The following OR4L1 variants were observed in gnomAD, a reference collection of about 807,000 sequenced individuals.
The protein encoded by OR4L1 is olfactory receptor 4L1.
For missense variants in OR4L1, 446 were observed against 368.5 expected, an observed-to-expected ratio of 1.21 and a Z score of -1.72; for synonymous variants, 156 against 135.3, an observed-to-expected ratio of 1.15 and a Z score of -1.06.
Position 20,060,896 on chromosome 14 carries a change from G to A in OR4L1, c.852G>A (p.Pro284=), listed in dbSNP as rs148682952. 1.5e-3 allele frequency: 2,469 copies of A among 1,603,838 alleles called. 5 individuals are homozygous for A. The highest frequency in any genetic ancestry group is 1.8e-3 in the Middle Eastern group (11 of 5,988). The change falls in exon 1 of 1, where the codon CCG becomes CCA. Residue 284 remains proline, a synonymous_variant. Transcript: ENST00000315683. ...FYTVITPLLN[P]SIYTLRNKKM... ...CAGTTATCACACCCTTACTGAATCC[G>A]AGTATTTATACCCTGAGAAATAAGA...
In OR4L1 at chr14:20,060,800, A is replaced by G. The variant is rs541928770; in HGVS notation, c.756A>G (p.Gly252=). 5.5e-5 allele frequency: 88 copies of G among 1,612,048 alleles called. 1 individual carries two copies. In the South Asian group the frequency reaches 9.2e-4, roughly 17 times the overall value. The change falls in exon 1 of 1, where the codon GGA becomes GGG. Residue 252 remains glycine, a synonymous_variant. Transcript: ENST00000315683. Reference sequence around the variant, plus strand: ...TCATTGTGGTCACTCTGTTCTTTGGACCTTGTATTTTTATCTATGTTTGGC... The same window carrying G: ...TCATTGTGGTCACTCTGTTCTTTGGGCCTTGTATTTTTATCTATGTTTGGC... ...AHIIVVTLFF[G]PCIFIYVWPF... is the part of the protein sequence containing the mutation.
rs1249348331 is a variant in OR4L1 at position 20,060,438 on chromosome 14, T to C, written c.394T>C (p.Tyr132His). 1 of 1,613,294 alleles carries C rather than the reference T, an allele frequency of 6.2e-7. No individual in the cohort carries two copies. Among genetic ancestry groups the C allele is most frequent in the East Asian group, 2.2e-5 (1 of 44,868 alleles). ...RYVAICKPLH[Y>H]RTIMSHKLLK... Reference sequence around the variant, plus strand: ...TGTAGCCATATGTAAACCCCTGCACTATAGGACAATCATGAGCCACAAGCT... The same window carrying C: ...TGTAGCCATATGTAAACCCCTGCACCATAGGACAATCATGAGCCACAAGCT... Residue 132 changes from tyrosine (Y) to histidine (H), a missense_variant, in exon 1 of 1, where the codon TAT (tyrosine) becomes CAT (histidine). By Grantham distance (83) the Tyr-to-His change is moderately conservative. Transcript: ENST00000315683.
chr14:20,060,336 G>T lies in OR4L1; in HGVS notation c.292G>T (p.Val98Leu), dbSNP rs367946088. 6.2e-7 allele frequency: 1 copy of T among 1,600,744 alleles called. No individual in the cohort carries two copies. Among genetic ancestry groups the T allele is most frequent in the Non-Finnish European group, 8.5e-7 (1 of 1,174,628 alleles). The stretch of plus-strand genomic sequence containing the variant: ...CAAGACCATCTCTGTGTGGGGCTGC[G>T]TGACCCAGATGTTCTTCATGCACTT... ...DHKTISVWGC[V>L]TQMFFMHFFG... The change falls in exon 1 of 1, where the codon GTG (valine) becomes TTG (leucine). Residue 98 changes from valine to leucine, a missense_variant. By Grantham distance (32) the Val-to-Leu change is conservative. Transcript: ENST00000315683.
chr14:20,060,532 C>T lies in OR4L1; in HGVS notation c.488C>T (p.Thr163Ile). ...FLHSISQIVL[T>I]MNLPFCGHNV... ...CACTCCATAAGCCAGATAGTTTTAA[C>T]AATGAACTTGCCTTTCTGTGGCCAC... The change falls in exon 1 of 1, where the codon ACA (threonine) becomes ATA (isoleucine). Residue 163 changes from threonine (T) to isoleucine (I), a missense_variant. By Grantham distance (89) the Thr-to-Ile change is moderately conservative. Transcript: ENST00000315683. The T allele has an allele frequency of 6.2e-7, 1 of 1,612,550 alleles. No individual in the cohort carries two copies. The highest frequency in any genetic ancestry group is 1.7e-4 in the Middle Eastern group (1 of 6,044).
rs759735215 is a variant in OR4L1 at position 20,060,910 on chromosome 14, T to C, written c.866T>C (p.Leu289Pro). The change falls in exon 1 of 1, where the codon CTG becomes CCG. Residue 289 changes from leucine (L) to proline (P), a missense_variant. Leu to Pro is a moderately conservative substitution (Grantham distance 98). Coordinates refer to ENST00000315683, the MANE Select transcript of OR4L1 (RefSeq NM_001004717.1). ...TTACTGAATCCGAGTATTTATACCCTGAGAAATAAGAAAATGCAAGAGGCC... is the reference window on the plus strand; with the variant it reads ...TTACTGAATCCGAGTATTTATACCCCGAGAAATAAGAAAATGCAAGAGGCC... ...TPLLNPSIYT[L>P]RNKKMQEAIR... 8.8e-6 allele frequency: 14 copies of C among 1,588,606 alleles called. No individual in the cohort carries two copies. The East Asian group carries it at 2.9e-4, about 33-fold the overall frequency.
At position 20,060,288 on chromosome 14, in the gene OR4L1, A is replaced by T. The variant is rs1268718512; in HGVS notation, c.244A>T (p.Ile82Phe). 2 of 1,564,220 alleles carry T rather than the reference A, an allele frequency of 1.3e-6. No homozygotes were observed. Among genetic ancestry groups the T allele is most frequent in the Non-Finnish European group, 1.7e-6 (2 of 1,158,842 alleles). Reference sequence around the variant, plus strand: ...CTCCACTGCCACAACACCCAAGATGATCATAGATTTGCTCACTGACCACAA... The same window carrying T: ...CTCCACTGCCACAACACCCAAGATGTTCATAGATTTGCTCACTGACCACAA... ...CLSTATTPKM[I>F]IDLLTDHKTI... is the part of the protein sequence containing the mutation. Residue 82 changes from isoleucine to phenylalanine, a missense_variant, in exon 1 of 1, where the codon ATC becomes TTC. Coordinates refer to ENST00000315683, the MANE Select transcript of OR4L1 (RefSeq NM_001004717.1).
In OR4L1 at chr14:20,060,599, C is replaced by A. The variant is rs767255058; in HGVS notation, c.555C>A (p.Ile185=). 1.9e-6 allele frequency: 3 copies of A among 1,613,022 alleles called. No homozygotes were observed. Among genetic ancestry groups the A allele is most frequent in the Non-Finnish European group, 2.5e-6 (3 of 1,179,440 alleles). ...NNIFCDLPLV[I]KLACIETYTL... is the part of the protein sequence containing the mutation. ...TATTTTGTGATCTTCCCCTTGTGAT[C>A]AAGCTTGCTTGCATTGAAACATACA... Residue 185 remains isoleucine (I), a synonymous_variant, in exon 1 of 1, where the codon ATC becomes ATA. Coordinates refer to ENST00000315683, the MANE Select transcript of OR4L1 (RefSeq NM_001004717.1).
rs376083133 is a variant in OR4L1, at chr14:20,060,195, T to A, written c.151T>A (p.Cys51Ser). 29 of 1,606,966 alleles carry A rather than the reference T, an allele frequency of 1.8e-5. No individual in the cohort carries two copies. The East Asian group carries it at 2.2e-4, about 12-fold the overall frequency. Residue 51 changes from cysteine (C) to serine (S), a missense_variant, in exon 1 of 1, where the codon TGT (cysteine) becomes AGT (serine). Transcript: ENST00000315683. The stretch of plus-strand genomic sequence containing the variant: ...CATTCTCATTATGGTCACAGTGACA[T>A]GTAGGTCAACCCTTCATTCTCCCTT... ...GNILIMVTVT[C>S]RSTLHSPLYF...
chr14:20,060,736 A>G lies in OR4L1; in HGVS notation c.692A>G (p.His231Arg), dbSNP rs2138695167. Residue 231 changes from histidine (H) to arginine (R), a missense_variant, in exon 1 of 1, where the codon CAT becomes CGT. His to Arg is a conservative substitution (Grantham distance 29). Coordinates refer to ENST00000315683, the MANE Select transcript of OR4L1 (RefSeq NM_001004717.1). ...ILVSVPKKSS[H>R]GLSKALSTLS... The stretch of plus-strand genomic sequence containing the variant: ...GTCAGTGTACCAAAAAAATCATCAC[A>G]TGGGCTCTCCAAGGCGCTGTCCACA... 13 of 1,613,564 alleles carry G rather than the reference A, an allele frequency of 8.1e-6. No individual in the cohort carries two copies. Among genetic ancestry groups the G allele is most frequent in the Non-Finnish European group, 1.1e-5 (13 of 1,179,686 alleles).
chr14:20,060,338 G>C lies in OR4L1; in HGVS notation c.294G>C (p.Val98=), dbSNP rs768792363. ...AGACCATCTCTGTGTGGGGCTGCGT[G>C]ACCCAGATGTTCTTCATGCACTTCT... ...DHKTISVWGC[V]TQMFFMHFFG... Residue 98 remains valine, a synonymous_variant, in exon 1 of 1, where the codon GTG becomes GTC. Coordinates refer to ENST00000315683, the MANE Select transcript of OR4L1 (RefSeq NM_001004717.1). The C allele has an allele frequency of 1.2e-6, 2 of 1,600,406 alleles. No individual in the cohort carries two copies. The highest frequency in any genetic ancestry group is 1.7e-6 in the Non-Finnish European group (2 of 1,174,536).
In OR4L1 at chr14:20,060,409, G is replaced by A. The variant is rs1408940426; in HGVS notation, c.365G>A (p.Arg122Lys). Residue 122 changes from arginine to lysine, a missense_variant, in exon 1 of 1, where the codon AGG (arginine) becomes AAG (lysine). By Grantham distance (26) the Arg-to-Lys change is conservative. Coordinates refer to ENST00000315683, the MANE Select transcript of OR4L1 (RefSeq NM_001004717.1). ...CTTCTGATAATCATGGCCTTTGACA[G>A]GTATGTAGCCATATGTAAACCCCTG... ...MTLLIIMAFD[R>K]YVAICKPLHY... 1.2e-6 allele frequency: 2 copies of A among 1,610,190 alleles called. No homozygotes were observed. The highest frequency in any genetic ancestry group is 1.7e-6 in the Non-Finnish European group (2 of 1,178,492).
In OR4L1 at chr14:20,060,847, A is replaced by G. The variant is rs945890875; in HGVS notation, c.803A>G (p.Asn268Ser). ...YVWPFSSLASNKTLAVFYTVI... is the reference protein window; with the variant it reads ...YVWPFSSLASSKTLAVFYTVI... The stretch of plus-strand genomic sequence containing the variant: ...TGGCCATTCAGTAGTTTGGCAAGCA[A>G]TAAAACTCTTGCCGTATTTTATACA... The change falls in exon 1 of 1, where the codon AAT (asparagine) becomes AGT (serine). Residue 268 changes from asparagine (N) to serine (S), a missense_variant. Transcript: ENST00000315683. 1.5e-5 allele frequency: 24 copies of G among 1,612,384 alleles called. No individual in the cohort carries two copies. The Admixed American group carries it at 4.0e-4, about 27-fold the overall frequency.
rs375250646 is a variant in OR4L1, at chr14:20,060,335, C to T, written c.291C>T (p.Cys97=). 1.1e-5 allele frequency: 17 copies of T among 1,599,890 alleles called. No homozygotes were observed. The highest frequency in any genetic ancestry group is 8.1e-5 in the African/African-American group (6 of 74,476). Residue 97 remains cysteine, a synonymous_variant, in exon 1 of 1, where the codon TGC becomes TGT. Coordinates refer to ENST00000315683, the MANE Select transcript of OR4L1 (RefSeq NM_001004717.1). The part of the protein sequence containing the change: ...TDHKTISVWG[C]VTQMFFMHFF... ...ACAAGACCATCTCTGTGTGGGGCTG[C>T]GTGACCCAGATGTTCTTCATGCACT...
Position 20,060,097 on chromosome 14 carries a change from T to G in OR4L1, c.53T>G (p.Phe18Cys), listed in dbSNP as rs761689959. The change falls in exon 1 of 1, where the codon TTT becomes TGT. Residue 18 changes from phenylalanine to cysteine, a missense_variant. Physicochemically the swap from Phe to Cys is radical, Grantham distance 205. Coordinates refer to ENST00000315683, the MANE Select transcript of OR4L1 (RefSeq NM_001004717.1). Reference protein sequence around the residue: ...LVTEFILLGFFGRWELQIFFF... With the variant: ...LVTEFILLGFCGRWELQIFFF... The stretch of plus-strand genomic sequence containing the variant: ...ACCGAGTTTATTTTACTAGGATTTT[T>G]TGGACGATGGGAACTTCAAATTTTC... 1 of 1,570,764 alleles carries G rather than the reference T, an allele frequency of 6.4e-7. No homozygotes were observed. Among genetic ancestry groups the G allele is most frequent in the Non-Finnish European group, 8.6e-7 (1 of 1,164,052 alleles).
At position 20,060,372 on chromosome 14, in the gene OR4L1, GCT is replaced by G. The variant is rs765806747; in HGVS notation, c.329_330del (p.Ala110GlyfsTer11). The G allele has an allele frequency of 6.2e-7, 1 of 1,605,524 alleles. No homozygotes were observed. The highest frequency in any genetic ancestry group is 8.5e-7 in the Non-Finnish European group (1 of 1,176,314). On this transcript the variant is annotated frameshift_variant, in exon 1 of 1. Coordinates refer to ENST00000315683, the MANE Select transcript of OR4L1 (RefSeq NM_001004717.1). LOFTEE classifies it low-confidence loss of function (END_TRUNC). The part of the protein sequence containing the change: ...QMFFMHFFGG[A>X]EMTLLIIMAF... ...GTTCTTCATGCACTTCTTTGGGGGT[GCT>G]GAGATGACTCTTCTGATAATCATGG...
At position 20,060,223 on chromosome 14, in the gene OR4L1, A is replaced by G; in HGVS notation, c.179A>G (p.Tyr60Cys). ...AGGTCAACCCTTCATTCTCCCTTGT[A>G]CTTTCTCCTTGGAAATCTCTCTTTT... ...TCRSTLHSPL[Y>C]FLLGNLSFLD... The change falls in exon 1 of 1, where the codon TAC becomes TGC. Residue 60 changes from tyrosine (Y) to cysteine (C), a missense_variant. Physicochemically the swap from Tyr to Cys is radical, Grantham distance 194. Transcript: ENST00000315683. 1 of 1,607,022 alleles carries G rather than the reference A, an allele frequency of 6.2e-7. No homozygotes were observed. Among genetic ancestry groups the G allele is most frequent in the Non-Finnish European group, 8.5e-7 (1 of 1,175,922 alleles).
chr14:20,060,711 G>A lies in OR4L1; in HGVS notation c.667G>A (p.Val223Ile). Residue 223 changes from valine (V) to isoleucine (I), a missense_variant, in exon 1 of 1, where the codon GTC becomes ATC. Transcript: ENST00000315683. ...LLLVSYIVIL[V>I]SVPKKSSHGL... ...GCTTGTTTCTTACATTGTCATCCTG[G>A]TCAGTGTACCAAAAAAATCATCACA... is the stretch of plus-strand genomic sequence containing the variant. 1 of 1,613,752 alleles carries A rather than the reference G, an allele frequency of 6.2e-7. No homozygotes were observed. Among genetic ancestry groups the A allele is most frequent in the Non-Finnish European group, 8.5e-7 (1 of 1,179,848 alleles).
rs1876732835 is a variant in OR4L1 at position 20,060,911 on chromosome 14, G to A, written c.867G>A (p.Leu289=). The A allele has an allele frequency of 6.3e-7, 1 of 1,586,754 alleles. No homozygotes were observed. Among genetic ancestry groups the A allele is most frequent in the Non-Finnish European group, 8.5e-7 (1 of 1,170,370 alleles). ...TACTGAATCCGAGTATTTATACCCT[G>A]AGAAATAAGAAAATGCAAGAGGCCA... ...TPLLNPSIYT[L]RNKKMQEAIR... The change falls in exon 1 of 1, where the codon CTG becomes CTA. Residue 289 remains leucine (L), a synonymous_variant. Transcript: ENST00000315683.
Position 20,060,932 on chromosome 14 carries a change from G to C in OR4L1, c.888G>C (p.Glu296Asp). Residue 296 changes from glutamate to aspartate, a missense_variant, in exon 1 of 1, where the codon GAG (glutamate) becomes GAC (aspartate). Coordinates refer to ENST00000315683, the MANE Select transcript of OR4L1 (RefSeq NM_001004717.1). ...CCCTGAGAAATAAGAAAATGCAAGAGGCCATAAGAAAATTACGGTTCCAAT... is the reference window on the plus strand; with the variant it reads ...CCCTGAGAAATAAGAAAATGCAAGACGCCATAAGAAAATTACGGTTCCAAT... ...IYTLRNKKMQ[E>D]AIRKLRFQYV... The C allele has an allele frequency of 6.3e-7, 1 of 1,575,708 alleles. No individual in the cohort carries two copies. The highest frequency in any genetic ancestry group is 1.2e-5 in the South Asian group (1 of 82,450).
Sources: allele counts gnomAD v4.1 joint callset, GRCh38; gene constraint gnomAD v4.1.1; transcripts MANE v1.5; gene names NCBI Gene and HGNC (gene_info 2026-07-23, HGNC 2026-07-21).